Variants in FANCC observed in about 807,000 individuals in gnomAD.
The protein encoded by FANCC is FA complementation group C, also known as Fanconi anemia group C protein.
Under a neutral mutation model 71.3 loss-of-function variants are expected in FANCC, and 55 were observed. The ratio of observed to expected loss-of-function variants is 0.77; its 90% CI spans 0.62 to 0.97. The LOEUF (loss-of-function observed/expected upper bound fraction) is 0.97. Among genes scored for constraint, FANCC ranks in the 50% least tolerant of loss-of-function variants. FANCC has a pLI of 0.00. For missense variants in FANCC, 678 were observed against 670.9 expected, an observed-to-expected ratio of 1.01 and a Z score of -0.12; for synonymous variants, 275 against 244.9, an observed-to-expected ratio of 1.12 and a Z score of -1.15.
At chr9:95,246,114 C>G (rs562692843) in intron 3 of FANCC, among the ~76,000 whole-genome samples, 1 of 152,124 alleles carries the variant, frequency 6.6e-6, no homozygotes, top group Non-Finnish European at 1.5e-5. Context: ...AAACACTGAC[C>G]TAACTGCAAT....
intron 4 of FANCC, among the ~76,000 whole-genome samples, chr9:95,211,862 A>C (rs1204289461): frequency 7.1e-6 from 1 of 141,734 alleles, no homozygotes; most frequent in African/African-American, 2.7e-5. Flanking sequence ...GAATGGTAAG[A>C]AAAAAAAAAA....
intron 4 of FANCC, among the ~76,000 whole-genome samples, chr9:95,182,988 C>T (rs989042732): frequency 5.3e-5 from 8 of 152,132 alleles, no homozygotes; most frequent in African/African-American, 1.9e-4. Context: ...CCTACATGGC[C>T]TCAGCCCGCC....
At chr9:95,117,467 C>T in intron 10 of FANCC, 77 bp from the exon 11 acceptor site, 1 of 1,230,400 alleles carries the variant, frequency 8.1e-7, no homozygotes, top group Non-Finnish European at 1.2e-6. Flanking sequence ...AACTCTGAGT[C>T]CTCTGCCCAA....
chr9:95,130,980 C>T (rs1307721760), intron 8 of FANCC, among the ~76,000 whole-genome samples: 1 of 152,108 alleles, frequency 6.6e-6, no homozygotes. Flanking sequence ...CTCTAAATAT[C>T]CCTTTTACAT....
intron 6 of FANCC, among the ~76,000 whole-genome samples, chr9:95,157,034 C>T (rs1348413426): frequency 6.6e-6 from 1 of 152,166 alleles, no homozygotes; most frequent in Non-Finnish European, 1.5e-5. Flanking sequence ...GTTTCTAATT[C>T]CTCTCCTTTC....
intron 4 of FANCC, among the ~76,000 whole-genome samples, chr9:95,231,252 A>G (rs566380369): frequency 4.7e-4 from 71 of 152,366 alleles, no homozygotes; most frequent in African/African-American, 1.7e-3. Flanking sequence ...AGTAAAAACC[A>G]AGTCCATAAA....
intron 3 of FANCC, among the ~76,000 whole-genome samples, chr9:95,241,545 C>T (rs1651832935): frequency 6.6e-6 from 1 of 152,126 alleles, no homozygotes; most frequent in African/African-American, 2.4e-5. Context: ...ATGTCAGTAC[C>T]CGAGCTAGGG....
At chr9:95,149,423 C>A (rs1313215679) in intron 7 of FANCC, among the ~76,000 whole-genome samples, 2 of 151,908 alleles carry the variant, frequency 1.3e-5, no homozygotes, top group East Asian at 1.9e-4. Flanking sequence ...TCACATGTAC[C>A]CCCAAACCTA....
At chr9:95,195,082 C>T (rs934228050) in intron 4 of FANCC, among the ~76,000 whole-genome samples, 4 of 151,444 alleles carry the variant, frequency 2.6e-5, no homozygotes, top group African/African-American at 9.7e-5. Flanking sequence ...CCTGCAGTCC[C>T]AGCTACTTGG....
intron 1 of FANCC, among the ~76,000 whole-genome samples, chr9:95,261,276 A>G (rs1285882697): frequency 6.6e-6 from 1 of 152,230 alleles, no homozygotes; most frequent in Non-Finnish European, 1.5e-5. Flanking sequence ...CTACAAACCT[A>G]TTAGACAATT....
intron 11 of FANCC, among the ~76,000 whole-genome samples, chr9:95,116,986 G>C (rs2072471256): frequency 6.6e-6 from 1 of 152,228 alleles, no homozygotes; most frequent in South Asian, 2.1e-4. Context: ...TTCTGACTCA[G>C]CCAAGTCTTA....
chr9:95,170,769 C>A (rs1304028382), intron 6 of FANCC, among the ~76,000 whole-genome samples: 3 of 150,924 alleles, frequency 2.0e-5, no homozygotes, highest in African/African-American at 2.4e-5. Flanking sequence ...AGTGAGCAAT[C>A]CCAGGGTAAA....
rs1234683997 is a variant in FANCC, at chr9:95,149,971, T to C, written c.638A>G (p.Glu213Gly). Reference sequence around the variant, plus strand: ...CTCAAAGAACTCTGGCTGGAGGATTTCCTGAGGTTCACGTCCATGACAGAT... The same window carrying C: ...CTCAAAGAACTCTGGCTGGAGGATTCCCTGAGGTTCACGTCCATGACAGAT... ...LLICHGREPQ[E>G]ILQPEFFEAV... The change falls in exon 7 of 15, where the codon GAA becomes GGA. Residue 213 changes from glutamate (E) to glycine (G), a missense_variant. Glu to Gly is a moderately conservative substitution (Grantham distance 98, BLOSUM62 -2). Coordinates refer to ENST00000289081, the MANE Select transcript of FANCC (RefSeq NM_000136.3). 4 of 1,612,668 alleles carry C rather than the reference T, an allele frequency of 2.5e-6. No individual in the cohort carries two copies. Among genetic ancestry groups the C allele is most frequent in the Non-Finnish European group, 3.4e-6 (4 of 1,179,484 alleles).
intron 14 of FANCC, among the ~76,000 whole-genome samples, chr9:95,106,775 A>G (rs1008560657): frequency 6.6e-6 from 1 of 152,222 alleles, no homozygotes; most frequent in Non-Finnish European, 1.5e-5. Flanking sequence ...AAAGAAATGT[A>G]CGTAGGGGGA....
At chr9:95,195,468 C>T (rs1827393181) in intron 4 of FANCC, among the ~76,000 whole-genome samples, 1 of 152,106 alleles carries the variant, frequency 6.6e-6, no homozygotes, top group Non-Finnish European at 1.5e-5. Flanking sequence ...CTGTTCCATT[C>T]ATCTATGTGT....
At chr9:95,119,625 A>G (rs2072711200) in intron 10 of FANCC, among the ~76,000 whole-genome samples, 2 of 152,098 alleles carry the variant, frequency 1.3e-5, no homozygotes, top group South Asian at 4.1e-4. Context: ...CAGCCTTGCA[A>G]AGTGCTAGGA....
At position 95,172,117 on chromosome 9, in the gene FANCC, T is replaced by C; in HGVS notation, c.376A>G (p.Arg126Gly). Residue 126 changes from arginine to glycine, a missense_variant, in exon 5 of 15, where the codon AGA becomes GGA. Arg to Gly is a moderately radical substitution (Grantham distance 125). Coordinates refer to ENST00000289081, the MANE Select transcript of FANCC (RefSeq NM_000136.3). ...AAAAGAGCAACTTCTTTATCAAATCTGAGTGCTGAAAGTATATGAGATAAT... is the reference window on the plus strand; with the variant it reads ...AAAAGAGCAACTTCTTTATCAAATCCGAGTGCTGAAAGTATATGAGATAAT... The part of the protein sequence containing the change: ...GVLSHILSAL[R>G]FDKEVALFTQ... 6.2e-7 allele frequency: 1 copy of C among 1,612,778 alleles called. No individual in the cohort carries two copies. Among genetic ancestry groups the C allele is most frequent in the Non-Finnish European group, 8.5e-7 (1 of 1,178,932 alleles).
chr9:95,126,359 A>AT (rs1825975412), intron 9 of FANCC, among the ~76,000 whole-genome samples, 170 bp downstream of exon 9: 1 of 152,218 alleles, frequency 6.6e-6, no homozygotes, highest in South Asian at 2.1e-4. Flanking sequence ...ATTTACACTG[A>AT]TTTTTGAGTT....
chr9:95,223,560 T>C (rs1829419477), intron 4 of FANCC, among the ~76,000 whole-genome samples: 1 of 152,146 alleles, frequency 6.6e-6, no homozygotes, highest in African/African-American at 2.4e-5. Flanking sequence ...ACATATGAAT[T>C]TGGGGGCACA....
Sources: allele counts gnomAD v4.1 joint callset (sites outside exome capture counted in the v4.1 genomes callset), GRCh38; gene constraint gnomAD v4.1.1; transcripts MANE v1.5; gene names NCBI Gene and HGNC (gene_info 2026-07-23, HGNC 2026-07-21).